Variants in CDKAL1 observed in about 807,000 individuals in gnomAD.
CDKAL1 encodes the protein CDKAL1 threonylcarbamoyladenosine tRNA methylthiotransferase.
Under a neutral mutation model 68.2 loss-of-function variants are expected in CDKAL1, and 32 were observed. The ratio of observed to expected loss-of-function variants is 0.47; its 90% CI spans 0.35 to 0.63. The LOEUF is 0.63. Among genes scored for constraint, CDKAL1 ranks in the 30% least tolerant of loss-of-function variants. The pLI, the probability that CDKAL1 is intolerant of heterozygous loss-of-function variation, is 0.00. For synonymous variants in CDKAL1, 234 were observed against 244.3 expected (o/e 0.96, Z 0.39); for missense variants, 606 against 696.7 (o/e 0.87, Z 1.47).
chr6:21,136,454 T>C (rs1451394097), intron 13 of CDKAL1, among the ~76,000 whole-genome samples: 1 of 152,212 alleles, frequency 6.6e-6, no homozygotes, highest in Non-Finnish European at 1.5e-5. Flanking sequence ...TAGTAATTAC[T>C]GTATTATTGG....
chr6:21,045,301 G>A (rs894313732), intron 11 of CDKAL1, among the ~76,000 whole-genome samples: 8 of 152,156 alleles, frequency 5.3e-5, no homozygotes, highest in South Asian at 2.1e-4. Context: ...ATCAAGCACC[G>A]CTATAGTTAT....
intron 11 of CDKAL1, among the ~76,000 whole-genome samples, chr6:21,058,294 G>A (rs1770946519): frequency 6.6e-6 from 1 of 151,946 alleles, no homozygotes; most frequent in African/African-American, 2.4e-5. Context: ...TTTTATCTTT[G>A]TTGGTTTAAA....
At chr6:21,156,379 G>C (rs1189264093) in intron 13 of CDKAL1, among the ~76,000 whole-genome samples, 1 of 141,400 alleles carries the variant, frequency 7.1e-6, no homozygotes, top group African/African-American at 2.7e-5. Flanking sequence ...AGCCGAGATC[G>C]TGCCACTGTA....
At position 20,582,441 on chromosome 6, in the gene CDKAL1, A is replaced by G. The variant is rs185350749; in HGVS notation, c.286+33736A>G. Among the ~76,000 whole-genome samples the G allele has an allele frequency of 4.6e-5, 7 of 152,316 alleles. No individual in the cohort carries two copies. The East Asian group carries it at 9.6e-4, about 21-fold the overall frequency. ...TAGCATTATATGAGATAATTTTCAA[A>G]TGTAACTCTTCTCTCCTGGCTTTTC... is the stretch of plus-strand genomic sequence containing the variant. On this transcript the variant is annotated intron_variant, in intron 4 of 15. Coordinates refer to ENST00000274695, the MANE Select transcript of CDKAL1 (RefSeq NM_017774.3).
chr6:21,056,571 G>A (rs983899257), intron 11 of CDKAL1, among the ~76,000 whole-genome samples: 2 of 152,184 alleles, frequency 1.3e-5, no homozygotes, highest in Admixed American at 1.3e-4. Context: ...TTGAACAGGA[G>A]TAGCGAGAGA....
intron 5 of CDKAL1, among the ~76,000 whole-genome samples, chr6:20,673,892 A>G (rs1277529007): frequency 1.3e-5 from 2 of 152,208 alleles, no homozygotes; most frequent in African/African-American, 4.8e-5. Context: ...GTATGTCTTT[A>G]TCAGCAGTGT....
At chr6:20,987,173 T>C (rs2150786995) in intron 10 of CDKAL1, among the ~76,000 whole-genome samples, 1 of 152,314 alleles carries the variant, frequency 6.6e-6, no homozygotes, top group Non-Finnish European at 1.5e-5. Flanking sequence ...TAAGTTTTGG[T>C]TACCTATGTA....
At chr6:21,052,408 ACACGAT>A (rs1293013917) in intron 11 of CDKAL1, among the ~76,000 whole-genome samples, 1 of 152,074 alleles carries the variant, frequency 6.6e-6, no homozygotes, top group East Asian at 1.9e-4. Context: ...AAGTGCAGTG[ACACGAT>A]CACAGCTCAC....
intron 5 of CDKAL1, among the ~76,000 whole-genome samples, chr6:20,670,823 A>G (rs758159882): frequency 6.6e-5 from 10 of 152,212 alleles, no homozygotes; most frequent in Non-Finnish European, 1.0e-4. Context: ...TTTGTAATGT[A>G]ACCTGGGAAC....
At chr6:20,757,541 T>A (rs1030933702) in intron 6 of CDKAL1, among the ~76,000 whole-genome samples, 10 of 135,378 alleles carry the variant, frequency 7.4e-5, no homozygotes, top group Non-Finnish European at 1.7e-4. Flanking sequence ...ATATCTTTTT[T>A]ATATATTTAT....
At chr6:21,061,063 A>G (rs751736164) in intron 11 of CDKAL1, among the ~76,000 whole-genome samples, 8 of 152,272 alleles carry the variant, frequency 5.3e-5, no homozygotes, top group East Asian at 1.9e-4. Context: ...TGGGGTGTGT[A>G]TATGTTTGTA....
intron 2 of CDKAL1, among the ~76,000 whole-genome samples, chr6:20,542,841 C>T (rs977077397): frequency 1.3e-5 from 2 of 151,940 alleles, no homozygotes; most frequent in Non-Finnish European, 2.9e-5. Flanking sequence ...TTTCTTTAAT[C>T]CCTGGCAACT....
chr6:20,918,185 C>T (rs537369245), intron 9 of CDKAL1, among the ~76,000 whole-genome samples: 2 of 152,296 alleles, frequency 1.3e-5, no homozygotes, highest in South Asian at 2.1e-4. Context: ...GAGAAGCCTC[C>T]ATCTATGAGG....
intron 9 of CDKAL1, among the ~76,000 whole-genome samples, chr6:20,869,976 A>G (rs1760119234): frequency 6.6e-6 from 1 of 152,242 alleles, no homozygotes; most frequent in Non-Finnish European, 1.5e-5. Context: ...AAGTACAAAT[A>G]TAACATTTAT....
intron 12 of CDKAL1, among the ~76,000 whole-genome samples, chr6:21,092,031 C>A (rs1273595679): frequency 6.7e-6 from 1 of 150,132 alleles, no homozygotes; most frequent in Non-Finnish European, 1.5e-5. Flanking sequence ...GGACTACAGG[C>A]GCCCGCCACT....
At chr6:21,078,287 G>T (rs1187196468) in intron 12 of CDKAL1, among the ~76,000 whole-genome samples, 1 of 152,112 alleles carries the variant, frequency 6.6e-6, no homozygotes, top group Non-Finnish European at 1.5e-5. Context: ...GTTACCCAGG[G>T]TTTGCTGTAT....
At chr6:21,110,074 T>C (rs1010841985) in intron 13 of CDKAL1, among the ~76,000 whole-genome samples, 1 of 152,198 alleles carries the variant, frequency 6.6e-6, no homozygotes, top group Non-Finnish European at 1.5e-5. Context: ...CAGTGAGGAA[T>C]TGAATCTAAA....
At chr6:20,910,343 T>A (rs947730315) in intron 9 of CDKAL1, among the ~76,000 whole-genome samples, 3 of 152,226 alleles carry the variant, frequency 2.0e-5, no homozygotes, top group Non-Finnish European at 4.4e-5. Flanking sequence ...GCAACCCACC[T>A]GTGGGTAGAG....
intron 4 of CDKAL1, among the ~76,000 whole-genome samples, chr6:20,613,422 G>A (rs917967367): frequency 6.7e-6 from 1 of 150,184 alleles, no homozygotes. Context: ...TTACAAGCAT[G>A]TGCCACCATA....
Sources: gnomAD v4.1 joint callset for allele counts (sites outside exome capture counted in the v4.1 genomes callset) on GRCh38, gnomAD v4.1.1 for gene constraint, MANE v1.5 for transcripts, NCBI Gene and HGNC (gene_info 2026-07-23, HGNC 2026-07-21) for gene names.